LCORL: variants seen among roughly 807,000 people sequenced by gnomAD.
LCORL encodes ligand-dependent nuclear receptor corepressor-like protein.
Under a neutral mutation model 141.8 loss-of-function variants are expected in LCORL, and 41 were observed. That is an observed-to-expected ratio of 0.29 (90% CI 0.23 to 0.38). The LOEUF is 0.38. Among genes scored for constraint, LCORL ranks in the 10% least tolerant of loss-of-function variants. LCORL has a pLI of 1.00. For missense variants in LCORL, 1,759 were observed against 2,035.0 expected, an observed-to-expected ratio of 0.86 and a Z score of 2.61; for synonymous variants, 618 against 694.1, an observed-to-expected ratio of 0.89 and a Z score of 1.72.
intron 1 of LCORL, among the ~76,000 whole-genome samples, chr4:17,977,261 C>T (rs1352112756): frequency 6.6e-6 from 1 of 151,546 alleles, no homozygotes; most frequent in Non-Finnish European, 1.5e-5. Flanking sequence ...AAATAATTAA[C>T]AGTGTAAATG....
At chr4:17,843,613 G>C (rs1560238449) in exon 8 of LCORL, 1 of 505,806 alleles carries the variant, frequency 2.0e-6, no homozygotes, top group East Asian at 3.3e-5. Flanking sequence ...TCCAGAAAAA[G>C]TGTGCATCAG....
At chr4:17,880,616 C>T (rs1362027222) in intron 6 of LCORL, 2 of 982,154 alleles carry the variant, frequency 2.0e-6, no homozygotes, top group Non-Finnish European at 2.4e-6. Context: ...CTTTTCTTTT[C>T]TTTTTTTCTT....
Position 17,906,688 on chromosome 4 carries a change from CTT to C in LCORL, c.682+2404_682+2405del, listed in dbSNP as rs36083281. On this transcript the variant is annotated intron_variant, in intron 5 of 7. Coordinates refer to ENST00000635767, the Ensembl canonical transcript of LCORL. ...GACTGGAAATTTACTTTTAAAATGC[CTT>C]TTTTTTTTTTTTTTTGAGACAGAGT... is the stretch of plus-strand genomic sequence containing the variant. Among the ~76,000 whole-genome samples, 104 of 133,952 alleles carry C rather than the reference CTT, an allele frequency of 7.8e-4. 3 individuals are homozygous for C. The highest frequency in any genetic ancestry group is 3.0e-4 in the Admixed American group (4 of 13,306). 87.9% of individuals were successfully genotyped at this position (133,952 alleles called of 152,430 possible).
intron 2 of LCORL, among the ~76,000 whole-genome samples, chr4:17,967,188 T>C (rs34025766): frequency 6.6e-6 from 1 of 151,912 alleles, no homozygotes; most frequent in Admixed American, 6.6e-5. Flanking sequence ...TCCAACTATA[T>C]GACATTCTAA....
intron 5 of LCORL, among the ~76,000 whole-genome samples, chr4:17,899,446 G>C (rs1179544011): frequency 6.6e-6 from 1 of 152,158 alleles, no homozygotes; most frequent in Non-Finnish European, 1.5e-5. Context: ...CTTGGCAAGT[G>C]TCAGACATAG....
At chr4:17,939,879 T>TAC (rs143670453) in intron 4 of LCORL, among the ~76,000 whole-genome samples, 30 of 147,868 alleles carry the variant, frequency 2.0e-4, no homozygotes, top group East Asian at 9.8e-4. Flanking sequence ...TAGGTACATG[T>TAC]ACACACACAC....
chr4:17,988,270 T>C (rs1719359057), intron 1 of LCORL, among the ~76,000 whole-genome samples: 1 of 152,108 alleles, frequency 6.6e-6, no homozygotes, highest in Non-Finnish European at 1.5e-5. Context: ...CTCGGGTATG[T>C]CTTTATCAGC....
intron 4 of LCORL, among the ~76,000 whole-genome samples, chr4:17,924,935 A>C (rs1734883465): frequency 6.6e-6 from 1 of 152,158 alleles, no homozygotes; most frequent in African/African-American, 2.4e-5. Flanking sequence ...TGTTTCTCCC[A>C]TAGCCAGGAT....
At chr4:17,872,190 A>G (rs947533386) in intron 7 of LCORL, among the ~76,000 whole-genome samples, 4 of 152,016 alleles carry the variant, frequency 2.6e-5, no homozygotes, top group African/African-American at 4.8e-5. Flanking sequence ...CATGTTAAGC[A>G]AGTAATCAAT....
chr4:17,889,507 C>A (rs971988818), intron 5 of LCORL, among the ~76,000 whole-genome samples: 16 of 151,956 alleles, frequency 1.1e-4, no homozygotes, highest in Non-Finnish European at 2.1e-4. Flanking sequence ...AGTTGCAATA[C>A]CATTAAGAAT....
rs755212353 is a variant in LCORL, at chr4:17,842,297, T to C, written c.*3591A>G. The C allele has an allele frequency of 6.2e-6, 10 of 1,609,314 alleles. No homozygotes were observed. In the Admixed American group the frequency reaches 1.3e-4, roughly 22 times the overall value. On this transcript the variant is annotated 3_prime_UTR_variant, in exon 8 of 8. Coordinates refer to ENST00000635767, the Ensembl canonical transcript of LCORL. ...GATAATAAATCCTGATAATGAATTATACTATCTTCAAGGACAGAGAAAAGT... is the reference window on the plus strand; with the variant it reads ...GATAATAAATCCTGATAATGAATTACACTATCTTCAAGGACAGAGAAAAGT...
intron 2 of LCORL, among the ~76,000 whole-genome samples, chr4:17,964,493 T>A (rs1009948726): frequency 6.6e-6 from 1 of 152,128 alleles, no homozygotes; most frequent in Non-Finnish European, 1.5e-5. Flanking sequence ...TAAGGTCAGT[T>A]TGCAGAAAGA....
intron 4 of LCORL, among the ~76,000 whole-genome samples, chr4:17,934,500 G>C (rs1190132522): frequency 6.6e-6 from 1 of 151,992 alleles, no homozygotes; most frequent in East Asian, 1.9e-4. Context: ...TTAGAATAAG[G>C]AATCACTAGA....
chr4:17,842,077 A>G (rs770244468), exon 8 of LCORL: 30 of 405,960 alleles, frequency 7.4e-5, no homozygotes, highest in Non-Finnish European at 1.3e-4. Flanking sequence ...AAATTTCCTT[A>G]TTTTCCCTTA....
At chr4:17,998,710 T>TA (rs1721302333) in intron 1 of LCORL, among the ~76,000 whole-genome samples, 1 of 151,884 alleles carries the variant, frequency 6.6e-6, no homozygotes, top group Non-Finnish European at 1.5e-5. Context: ...TTCATGCCTG[T>TA]AATCCCAGAA....
chr4:17,988,469 C>T (rs569129334), intron 1 of LCORL, among the ~76,000 whole-genome samples: 70 of 152,168 alleles, frequency 4.6e-4, no homozygotes, highest in African/African-American at 1.4e-3. Flanking sequence ...GACTAGGTTT[C>T]GCTATGTTTT....
chr4:17,904,041 G>A (rs995754678), intron 5 of LCORL, among the ~76,000 whole-genome samples: 1 of 151,856 alleles, frequency 6.6e-6, no homozygotes, highest in African/African-American at 2.4e-5. Context: ...AAAGTAAAAC[G>A]CTGTTGCAGA....
intron 7 of LCORL, among the ~76,000 whole-genome samples, chr4:17,869,447 C>T (rs945558679): frequency 3.9e-5 from 6 of 152,106 alleles, no homozygotes; most frequent in African/African-American, 4.8e-5. Context: ...TCAATGGAAC[C>T]GTTTCAGGGC....
intron 4 of LCORL, among the ~76,000 whole-genome samples, chr4:17,957,933 G>C (rs113174909): frequency 0.032 from 4,849 of 151,962 alleles, 107 homozygotes; most frequent in African/African-American, 0.06. Flanking sequence ...AGTCAATCAA[G>C]GATGTCTGCA....
Sources: gnomAD v4.1 joint callset for allele counts (sites outside exome capture counted in the v4.1 genomes callset) on GRCh38, gnomAD v4.1.1 for gene constraint, MANE v1.5 for transcripts, NCBI Gene and HGNC (gene_info 2026-07-23, HGNC 2026-07-21) for gene names.